LCLAT1: variants seen among roughly 807,000 people sequenced by gnomAD.
The protein encoded by LCLAT1 is lysocardiolipin acyltransferase 1.
In LCLAT1, 11 loss-of-function variants were observed where a neutral mutation model predicts 30.7. The observed-to-expected ratio is 0.36, with a 90% CI of 0.23 to 0.59. The LOEUF is 0.59. Ranked by LOEUF, LCLAT1 falls within the 20% of genes least tolerant of loss-of-function variation. LCLAT1 has a pLI of 0.77. For missense variants in LCLAT1, 402 were observed against 458.6 expected, an observed-to-expected ratio of 0.88 and a Z score of 1.13; for synonymous variants, 155 against 151.3, an observed-to-expected ratio of 1.02 and a Z score of -0.18.
At chr2:30,593,964 T>G (rs1666809598) in intron 5 of LCLAT1, among the ~76,000 whole-genome samples, 1 of 150,458 alleles carries the variant, frequency 6.6e-6, no homozygotes, top group South Asian at 2.1e-4. Context: ...AATTCTAAAA[T>G]TTTATCATTC....
chr2:30,485,606 AT>A (rs1683525599), intron 1 of LCLAT1, among the ~76,000 whole-genome samples: 1 of 152,056 alleles, frequency 6.6e-6, no homozygotes, highest in African/African-American at 2.4e-5. Context: ...AATAAAATTT[AT>A]TTTTATCTCA....
At chr2:30,535,915 A>G (rs527844910) in intron 3 of LCLAT1, among the ~76,000 whole-genome samples, 17 of 152,290 alleles carry the variant, frequency 1.1e-4, no homozygotes, top group African/African-American at 3.8e-4. Flanking sequence ...ATTCAACACC[A>G]TCAGGAAACA....
chr2:30,619,979 G>A (rs2148515146), intron 5 of LCLAT1, among the ~76,000 whole-genome samples: 1 of 152,292 alleles, frequency 6.6e-6, no homozygotes, highest in Admixed American at 6.5e-5. Context: ...TGTCCTGTAA[G>A]TTAAAATTGT....
chr2:30,486,909 G>A (rs1479855374), intron 1 of LCLAT1, among the ~76,000 whole-genome samples: 1 of 152,158 alleles, frequency 6.6e-6, no homozygotes, highest in Non-Finnish European at 1.5e-5. Context: ...GCAAATTACT[G>A]TGTTAAGCCA....
chr2:30,465,658 G>C (rs1682382262), intron 1 of LCLAT1, among the ~76,000 whole-genome samples: 1 of 152,096 alleles, frequency 6.6e-6, no homozygotes, highest in African/African-American at 2.4e-5. Context: ...TTGAATAACA[G>C]GCTAAACACT....
chr2:30,491,442 G>A (rs540285934), intron 1 of LCLAT1, among the ~76,000 whole-genome samples: 1 of 152,298 alleles, frequency 6.6e-6, no homozygotes, highest in Non-Finnish European at 1.5e-5. Context: ...TGCATTGTTA[G>A]TCGAGTGAGT....
chr2:30,489,164 A>G (rs1683706993), intron 1 of LCLAT1: 1 of 152,208 alleles, frequency 6.6e-6, no homozygotes, highest in South Asian at 2.1e-4. Context: ...TTTCAGATGT[A>G]GTTCTGATAG....
chr2:30,481,672 G>GCT (rs1255415438), intron 1 of LCLAT1, among the ~76,000 whole-genome samples: 2 of 152,152 alleles, frequency 1.3e-5, no homozygotes, highest in Non-Finnish European at 2.9e-5. Flanking sequence ...TTTTGCCAAA[G>GCT]TGGTTTCAGT....
At chr2:30,482,877 A>G (rs756075559) in intron 1 of LCLAT1, among the ~76,000 whole-genome samples, 1 of 152,096 alleles carries the variant, frequency 6.6e-6, no homozygotes, top group Non-Finnish European at 1.5e-5. Flanking sequence ...TCTCTGGAGT[A>G]AGATACACTT....
chr2:30,613,360 A>C (rs976761036), intron 5 of LCLAT1, among the ~76,000 whole-genome samples: 5 of 152,106 alleles, frequency 3.3e-5, no homozygotes, highest in Non-Finnish European at 5.9e-5. Context: ...GCAAACAGAG[A>C]AACCAATTAG....
intron 5 of LCLAT1, among the ~76,000 whole-genome samples, chr2:30,593,036 T>C (rs1482244065): frequency 2.0e-5 from 3 of 152,214 alleles, no homozygotes; most frequent in Non-Finnish European, 4.4e-5. Context: ...TTTGTACATC[T>C]TAACCAACTT....
intron 5 of LCLAT1, among the ~76,000 whole-genome samples, chr2:30,602,963 G>C (rs890843303): frequency 2.0e-5 from 3 of 152,166 alleles, no homozygotes; most frequent in Non-Finnish European, 4.4e-5. Context: ...TTGAGAACTG[G>C]AAAGAATTGA....
chr2:30,452,025 A>G (rs1681577328), intron 1 of LCLAT1, among the ~76,000 whole-genome samples: 1 of 152,240 alleles, frequency 6.6e-6, no homozygotes. Flanking sequence ...ACAAAGAAGT[A>G]CAATACTTCC....
chr2:30,543,731 G>C (rs914096828), intron 3 of LCLAT1, among the ~76,000 whole-genome samples: 5 of 152,130 alleles, frequency 3.3e-5, no homozygotes, highest in Non-Finnish European at 7.4e-5. Flanking sequence ...TGCTTAAAGA[G>C]TCTGTGGTTA....
rs371626368 is a variant in LCLAT1, at chr2:30,518,158, G to GTAT, written c.-4-7428_-4-7426dup. On this transcript the variant is annotated intron_variant, in intron 1 of 5. Transcript: ENST00000379509. ...AGCTTACTGACTCAAAAATCTTAAA[G>GTAT]TATCGGGCTGTTCTTTAGAAAAAGA... is the stretch of plus-strand genomic sequence containing the variant. 2.9e-4 allele frequency among the ~76,000 whole-genome samples: 44 copies of GTAT among 152,298 alleles called. No individual in the cohort carries two copies. The Middle Eastern group carries it at 0.024, about 82-fold the overall frequency.
At chr2:30,611,373 T>A (rs1667731841) in intron 5 of LCLAT1, among the ~76,000 whole-genome samples, 1 of 151,926 alleles carries the variant, frequency 6.6e-6, no homozygotes, top group African/African-American at 2.4e-5. Flanking sequence ...GAACAGAGAG[T>A]GTGTGTGTAT....
chr2:30,626,946 T>C (rs893874484), intron 5 of LCLAT1, among the ~76,000 whole-genome samples: 1 of 152,216 alleles, frequency 6.6e-6, no homozygotes, highest in Non-Finnish European at 1.5e-5. Context: ...GATGTGAGAA[T>C]GTGCATCATA....
intron 5 of LCLAT1, chr2:30,607,990 C>A: frequency 1.1e-5 from 2 of 185,174 alleles, no homozygotes; most frequent in South Asian, 9.9e-5. Context: ...TACAACTTTA[C>A]AATAGGTTTG....
At chr2:30,566,028 G>A (rs1665469177) in intron 4 of LCLAT1, among the ~76,000 whole-genome samples, 2 of 152,182 alleles carry the variant, frequency 1.3e-5, no homozygotes, top group Admixed American at 1.3e-4. Flanking sequence ...GAGTGTAGGA[G>A]TGGGAGAATT....
Sources: gnomAD v4.1 joint callset for allele counts (sites outside exome capture counted in the v4.1 genomes callset) on GRCh38, gnomAD v4.1.1 for gene constraint, MANE v1.5 for transcripts, NCBI Gene and HGNC (gene_info 2026-07-23, HGNC 2026-07-21) for gene names.